The following NBPF15 variants were observed in gnomAD, a reference collection of about 807,000 sequenced individuals.
NBPF15 encodes the protein NBPF family member NBPF15.
Under a neutral mutation model 62.2 loss-of-function variants are expected in NBPF15, and 74 were observed. That is an observed-to-expected ratio of 1.19 (90% CI 0.99 to 1.44). The LOEUF is 1.44. NBPF15 is among the 40% of genes most tolerant of loss of function. NBPF15 has a pLI of 0.00. For synonymous variants in NBPF15, 244 were observed against 209.7 expected (o/e 1.16, Z -1.41); for missense variants, 790 against 550.0 (o/e 1.44, Z -4.36).
intron 12 of NBPF15, 94 bp downstream of exon 12, chr1:144,435,017 T>C: frequency 6.2e-7 from 1 of 1,608,780 alleles, no homozygotes; most frequent in Non-Finnish European, 8.5e-7. Flanking sequence ...CACAGTTTTT[T>C]ATTCAAATGA....
rs1231577558 is a variant in NBPF15, at chr1:144,432,473, G to T, written c.824+1300C>A. On this transcript the variant is annotated intron_variant, in intron 13 of 21. Transcript: ENST00000581897. ...ACACATAACAATATTAACCTTAAAT[G>T]TAAATGGGCTAAATGCCCCAGTTAA... Among the ~76,000 whole-genome samples, 23 of 152,124 alleles carry T rather than the reference G, an allele frequency of 1.5e-4. No individual in the cohort carries two copies. The East Asian group carries it at 4.1e-3, about 27-fold the overall frequency.
chr1:144,423,147 G>A lies in NBPF15; in HGVS notation c.1879C>T (p.His627Tyr), dbSNP rs781788387. ...AATGAGTAAAACACACTTCTGTAGTGCTGGAATGAGTCAGGTTGTTCAAAG... is the reference window on the plus strand; with the variant it reads ...AATGAGTAAAACACACTTCTGTAGTACTGGAATGAGTCAGGTTGTTCAAAG... The part of the protein sequence containing the change: ...MYFEQPDSFQ[H>Y]YRSVFYSFEE... Residue 627 changes from histidine to tyrosine, a missense_variant, in exon 22 of 22, where the codon CAC (histidine) becomes TAC (tyrosine). Coordinates refer to ENST00000581897, the MANE Select transcript of NBPF15 (RefSeq NM_001385408.1). The A allele has an allele frequency of 6.2e-7, 1 of 1,611,348 alleles. No individual in the cohort carries two copies. The highest frequency in any genetic ancestry group is 1.1e-5 in the South Asian group (1 of 90,976).
intron 20 of NBPF15, among the ~76,000 whole-genome samples, chr1:144,424,480 C>T (rs1411390373): frequency 2.0e-5 from 3 of 152,026 alleles, no homozygotes; most frequent in Non-Finnish European, 2.9e-5. Context: ...ACAGGCATGG[C>T]CTGAGACTAG....
chr1:144,426,507 C>T, intron 17 of NBPF15, 57 bp from the exon 18 acceptor site: 1 of 784,706 alleles, frequency 1.3e-6, no homozygotes, highest in Non-Finnish European at 2.3e-6. Flanking sequence ...ACCACACAGC[C>T]CCAGCTAGAT....
At chr1:144,448,198 A>C (rs1245114314) in intron 6 of NBPF15, among the ~76,000 whole-genome samples, 1 of 152,078 alleles carries the variant, frequency 6.6e-6, no homozygotes, top group African/African-American at 2.4e-5. Flanking sequence ...TCTCCCCTGT[A>C]GGTTGAAAAG....
At chr1:144,432,290 C>A (rs1344174675) in intron 13 of NBPF15, among the ~76,000 whole-genome samples, 2 of 151,570 alleles carry the variant, frequency 1.3e-5, no homozygotes, top group African/African-American at 2.4e-5. Context: ...GCCTGCCTTA[C>A]AAGAGCTCCT....
At chr1:144,451,264 C>T (rs1487143743) in intron 4 of NBPF15, among the ~76,000 whole-genome samples, 5 of 151,970 alleles carry the variant, frequency 3.3e-5, no homozygotes, top group Admixed American at 3.3e-4. Flanking sequence ...TTGCTGCCAG[C>T]ATGTCCCACC....
chr1:144,442,188 TAC>T (rs1683723936), intron 6 of NBPF15, among the ~76,000 whole-genome samples: 1 of 111,476 alleles, frequency 9.0e-6, no homozygotes, highest in East Asian at 2.3e-4. Context: ...ATAATATATA[TAC>T]ACGTGTATAT....
chr1:144,427,940 G>C lies in NBPF15; in HGVS notation c.1091C>G (p.Ser364Ter). ...AGGAGTTGAATAACATCTATCCAGT[G>C]AGTCCTGCAAGACTTCAGGCTCTTT... is the stretch of plus-strand genomic sequence containing the variant. ...DEKEPEVLQD[S>*]LDRCYSTPSG... The change falls in exon 16 of 22, where the codon TCA becomes TGA. Residue 364 changes from serine (S) to a stop codon, truncating the protein, a stop_gained. Transcript: ENST00000581897. LOFTEE classifies it high-confidence loss of function. 1.3e-6 allele frequency: 1 copy of C among 771,612 alleles called. No homozygotes were observed. Among genetic ancestry groups the C allele is most frequent in the Non-Finnish European group, 2.4e-6 (1 of 418,240 alleles). The allele number at this position is 771,612 out of a possible 1,614,324, so 47.8% of individuals were successfully genotyped here. A position where few individuals can be genotyped will look rare whatever the true frequency, so the allele number is the denominator to read the frequency against.
intron 6 of NBPF15, among the ~76,000 whole-genome samples, chr1:144,441,044 G>T (rs1682569626): frequency 6.6e-6 from 1 of 151,594 alleles, no homozygotes; most frequent in Admixed American, 6.6e-5. Flanking sequence ...ATTTTGTTTT[G>T]GCCAAGTAAT....
At chr1:144,432,438 G>T (rs1183006041) in intron 13 of NBPF15, among the ~76,000 whole-genome samples, 1 of 152,024 alleles carries the variant, frequency 6.6e-6, no homozygotes, top group Non-Finnish European at 1.5e-5. Flanking sequence ...ATAATGACAG[G>T]ATCAAATTCA....
At chr1:144,442,124 TACACGTG>T in intron 6 of NBPF15, among the ~76,000 whole-genome samples, 17 of 20,518 alleles carry the variant, frequency 8.3e-4, no homozygotes, top group African/African-American at 3.3e-3. Context: ...ATAATATATA[TACACGTG>T]TATATATATA....
intron 6 of NBPF15, among the ~76,000 whole-genome samples, chr1:144,442,143 AT>A (rs1683515292): frequency 3.4e-4 from 4 of 11,748 alleles, no homozygotes; most frequent in East Asian, 9.4e-3. Flanking sequence ...ATATATATAT[AT>A]ATAATATATA....
rs1216423193 is a variant in NBPF15, at chr1:144,423,896, C to A, written c.1743G>T (p.Gly581=). 1.3e-6 allele frequency: 1 copy of A among 783,862 alleles called. No individual in the cohort carries two copies. The allele number at this position is 783,862 out of a possible 1,614,324, so 48.6% of individuals were successfully genotyped here. A position where few individuals can be genotyped will look rare whatever the true frequency, so the allele number is the denominator to read the frequency against. ...KKKRRRGRKE[G]EDDNPPCPRL... is the part of the protein sequence containing the mutation. ...TGGGGCATGGTGGGTTGTCATCTTCCCCTTCTTTTCTTCCCCTTCTTCTTT... is the reference window on the plus strand; with the variant it reads ...TGGGGCATGGTGGGTTGTCATCTTCACCTTCTTTTCTTCCCCTTCTTCTTT... The change falls in exon 21 of 22, where the codon GGG becomes GGT. Residue 581 remains glycine, a synonymous_variant. Coordinates refer to ENST00000581897, the MANE Select transcript of NBPF15 (RefSeq NM_001385408.1).
At position 144,438,005 on chromosome 1, in the gene NBPF15, T is replaced by A; in HGVS notation, c.218A>T (p.Asn73Ile). Reference protein sequence around the residue: ...CKDLIKFMLRNERQFKEEKLA... With the variant: ...CKDLIKFMLRIERQFKEEKLA... ...CTTCTCCTCCTTGAACTGTCGCTCA[T>A]TCCTCAGCATAAATTTTATGAGATC... The change falls in exon 9 of 22, where the codon AAT (asparagine) becomes ATT (isoleucine). Residue 73 changes from asparagine to isoleucine, a missense_variant. Coordinates refer to ENST00000581897, the MANE Select transcript of NBPF15 (RefSeq NM_001385408.1). 1 of 1,611,722 alleles carries A rather than the reference T, an allele frequency of 6.2e-7. No homozygotes were observed. Among genetic ancestry groups the A allele is most frequent in the Non-Finnish European group, 8.5e-7 (1 of 1,179,804 alleles).
Position 144,426,406 on chromosome 1 carries a change from T to G in NBPF15, c.1310A>C (p.Gln437Pro), listed in dbSNP as rs1553539255. 1.2e-6 allele frequency: 1 copy of G among 812,638 alleles called. No individual in the cohort carries two copies. The highest frequency in any genetic ancestry group is 2.2e-6 in the Non-Finnish European group (1 of 450,048). The allele number at this position is 812,638 out of a possible 1,614,324, so 50.3% of individuals were successfully genotyped here. A position where few individuals can be genotyped will look rare whatever the true frequency, so the allele number is the denominator to read the frequency against. ...CGAATAACATCTATCCAGTGAGTCC[T>G]GCAAGACTTCAGGCTCTTTCTCATC... ...LLDEKEPEVL[Q>P]DSLDRCYSTP... The change falls in exon 18 of 22, where the codon CAG (glutamine) becomes CCG (proline). Residue 437 changes from glutamine (Q) to proline (P), a missense_variant. Physicochemically the swap from Gln to Pro is moderately conservative, Grantham distance 76. Transcript: ENST00000581897.
chr1:144,439,881 T>C lies in NBPF15; in HGVS notation c.123A>G (p.Lys41=), dbSNP rs1553542260. 1.2e-6 allele frequency: 2 copies of C among 1,610,978 alleles called. No individual in the cohort carries two copies. Among genetic ancestry groups the C allele is most frequent in the East Asian group, 2.2e-5 (1 of 44,854 alleles). The stretch of plus-strand genomic sequence containing the variant: ...AGCCGGCCAGTTGAGTTAGAAAACA[T>C]TTCTCTTTGAGGTTTCTGAACTGCT... ...KKQQFRNLKE[K]CFLTQLAGFL... Residue 41 remains lysine, a synonymous_variant, in exon 8 of 22, where the codon AAA becomes AAG. Transcript: ENST00000581897.
intron 6 of NBPF15, among the ~76,000 whole-genome samples, chr1:144,441,815 T>C (rs1683092697): frequency 6.6e-6 from 1 of 151,118 alleles, no homozygotes; most frequent in African/African-American, 2.5e-5. Context: ...TATTAACTTT[T>C]TAAAACAACA....
At chr1:144,455,219 G>C (rs746861149) in intron 4 of NBPF15, among the ~76,000 whole-genome samples, 2 of 146,548 alleles carry the variant, frequency 1.4e-5, no homozygotes, top group Admixed American at 6.9e-5. Flanking sequence ...AAGGGAAGGA[G>C]GGAGGGAAAG....
Sources: allele counts gnomAD v4.1 joint callset (sites outside exome capture counted in the v4.1 genomes callset), GRCh38; gene constraint gnomAD v4.1.1; transcripts MANE v1.5; gene names NCBI Gene and HGNC (gene_info 2026-07-23, HGNC 2026-07-21).